Variants in SETD3 observed in about 807,000 individuals in gnomAD.
The protein encoded by SETD3 is SET domain containing 3, actin N3(tau)-histidine methyltransferase.
In SETD3, 19 loss-of-function variants were observed where a neutral mutation model predicts 63.0. That is an observed-to-expected ratio of 0.30 (90% confidence interval 0.21 to 0.44). The LOEUF (loss-of-function observed/expected upper bound fraction) is 0.44. Ranked by LOEUF, SETD3 falls within the 20% of genes least tolerant of loss-of-function variation. The pLI, the probability that SETD3 is intolerant of heterozygous loss-of-function variation, is 1.00. For missense variants in SETD3, 587 were observed against 728.5 expected (o/e 0.81, Z 2.24); for synonymous variants, 286 against 264.1 (o/e 1.08, Z -0.80).
chr14:99,451,261 G>C (rs1396727748), intron 6 of SETD3, among the ~76,000 whole-genome samples: 1 of 152,118 alleles, frequency 6.6e-6, no homozygotes, highest in Admixed American at 6.5e-5. Context: ...ATTTTTCTAG[G>C]GTTAAAGTTG....
At chr14:99,476,526 C>T (rs1895980319) in intron 1 of SETD3, among the ~76,000 whole-genome samples, 2 of 152,172 alleles carry the variant, frequency 1.3e-5, no homozygotes, top group Admixed American at 6.5e-5. Flanking sequence ...CAGGGAAAAA[C>T]GCAGAACCAT....
chr14:99,404,245 C>T lies in SETD3; in HGVS notation c.1157G>A (p.Arg386Gln), dbSNP rs1032276957. 5 of 1,613,940 alleles carry T rather than the reference C, an allele frequency of 3.1e-6. No homozygotes were observed. The highest frequency in any genetic ancestry group is 1.6e-4 in the Middle Eastern group (1 of 6,062). Residue 386 changes from arginine to glutamine, a missense_variant, in exon 11 of 13, where the codon CGA becomes CAA. Coordinates refer to ENST00000331768, the MANE Select transcript of SETD3 (RefSeq NM_032233.3). ...PISAQLLAFL[R>Q]VFCMTEEELK... is the part of the protein sequence containing the mutation. The stretch of plus-strand genomic sequence containing the variant: ...CTTACCTTCAGTCATACAGAATACT[C>T]GGAGAAAAGCCAAAAGCTGAGCAGA...
At chr14:99,480,209 T>A (rs1216534489) in intron 1 of SETD3, among the ~76,000 whole-genome samples, 1 of 151,514 alleles carries the variant, frequency 6.6e-6, no homozygotes, top group South Asian at 2.1e-4. Context: ...GAGAGGAACA[T>A]AAAACCGCAC....
chr14:99,458,430 T>C lies in SETD3; in HGVS notation c.524A>G (p.Tyr175Cys). The change falls in exon 6 of 13, where the codon TAT becomes TGT. Residue 175 changes from tyrosine to cysteine, a missense_variant. Tyr to Cys is a radical substitution (Grantham distance 194). Transcript: ENST00000331768. ...RASPNSFWQP[Y>C]IQTLPSEYDT... ...ATATTCACTGGGGAGGGTTTGAATATAGGGCTGCCAGAAGGAGTTAGGGCT... is the reference window on the plus strand; with the variant it reads ...ATATTCACTGGGGAGGGTTTGAATACAGGGCTGCCAGAAGGAGTTAGGGCT... 1.9e-6 allele frequency: 3 copies of C among 1,614,114 alleles called. No individual in the cohort carries two copies. Among genetic ancestry groups the C allele is most frequent in the Non-Finnish European group, 1.7e-6 (2 of 1,180,032 alleles).
chr14:99,444,218 C>T (rs916949078), intron 6 of SETD3: 1 of 152,214 alleles, frequency 6.6e-6, no homozygotes, highest in African/African-American at 2.4e-5. Flanking sequence ...ATCTGCCATT[C>T]ACAAGGCTAT....
At chr14:99,454,575 G>A (rs947827795) in intron 6 of SETD3, among the ~76,000 whole-genome samples, 2 of 152,174 alleles carry the variant, frequency 1.3e-5, no homozygotes, top group African/African-American at 2.4e-5. Context: ...TGGCCTGAGG[G>A]TCAAACACAA....
intron 6 of SETD3, among the ~76,000 whole-genome samples, chr14:99,448,167 A>AT (rs1011991196): frequency 3.9e-5 from 6 of 152,192 alleles, no homozygotes; most frequent in Admixed American, 2.0e-4. Context: ...TGCAGGTACC[A>AT]TAAGCCTCTG....
At chr14:99,413,097 G>C (rs750013853) in intron 7 of SETD3, 32 bp from the exon 8 acceptor site, 6 of 1,378,886 alleles carry the variant, frequency 4.4e-6, no homozygotes, top group Non-Finnish European at 4.1e-6. Flanking sequence ...CTTAAGGTTG[G>C]AACATTTAAA....
intron 1 of SETD3, among the ~76,000 whole-genome samples, chr14:99,476,838 C>G: frequency 6.6e-6 from 1 of 152,036 alleles, no homozygotes; most frequent in East Asian, 1.9e-4. Flanking sequence ...AGTAATAAAC[C>G]TAAGTGTATA....
intron 6 of SETD3, among the ~76,000 whole-genome samples, chr14:99,437,586 G>T: frequency 6.6e-6 from 1 of 152,150 alleles, no homozygotes. Context: ...TTGATAACAG[G>T]TAACTACCAA....
At chr14:99,484,812 G>T (rs546152173), upstream of SETD3, among the ~76,000 whole-genome samples, 3 of 152,252 alleles carry the variant, frequency 2.0e-5, no homozygotes, top group African/African-American at 7.2e-5. Context: ...ATAATTGAGT[G>T]GTGACATTTA....
chr14:99,447,212 A>T (rs974603499), intron 6 of SETD3, among the ~76,000 whole-genome samples: 1 of 152,280 alleles, frequency 6.6e-6, no homozygotes, highest in African/African-American at 2.4e-5. Context: ...ACCTCAGGTG[A>T]TCTGCCCACC....
intron 6 of SETD3, among the ~76,000 whole-genome samples, chr14:99,424,704 A>G (rs527740261): frequency 4.6e-5 from 7 of 152,182 alleles, no homozygotes; most frequent in African/African-American, 1.7e-4. Flanking sequence ...AGGAGGACAT[A>G]AGAAACCCAG....
intron 6 of SETD3, among the ~76,000 whole-genome samples, chr14:99,444,954 A>T (rs1310342368): frequency 6.6e-6 from 1 of 152,164 alleles, no homozygotes; most frequent in Non-Finnish European, 1.5e-5. Context: ...AAGTTTTTTT[A>T]AAAAGGCCAT....
At chr14:99,426,184 A>C (rs1016331620) in intron 6 of SETD3, among the ~76,000 whole-genome samples, 1 of 152,212 alleles carries the variant, frequency 6.6e-6, no homozygotes, top group Non-Finnish European at 1.5e-5. Flanking sequence ...TCAAATCTAC[A>C]TATGACCTCC....
upstream of SETD3, chr14:99,481,356 C>T (rs551399437): frequency 2.5e-6 from 1 of 398,606 alleles, no homozygotes; most frequent in Non-Finnish European, 4.4e-6. Flanking sequence ...CTCTCTCCGC[C>T]CCTCCGGTCG....
At chr14:99,483,848 T>G (rs1653360797), upstream of SETD3, among the ~76,000 whole-genome samples, 1 of 152,252 alleles carries the variant, frequency 6.6e-6, no homozygotes, top group South Asian at 2.1e-4. Context: ...TTACTCGGAT[T>G]AACACTTTCT....
chr14:99,437,478 G>A (rs773662404), intron 6 of SETD3, among the ~76,000 whole-genome samples: 1 of 152,126 alleles, frequency 6.6e-6, no homozygotes, highest in Non-Finnish European at 1.5e-5. Flanking sequence ...ACTGCATTTG[G>A]TTTTCCACTA....
chr14:99,415,762 A>C (rs1167564627), intron 6 of SETD3, among the ~76,000 whole-genome samples: 2 of 152,378 alleles, frequency 1.3e-5, no homozygotes, highest in Admixed American at 1.3e-4. Flanking sequence ...CTGGTTAAAA[A>C]AAAGATTCTG....
Sources: gnomAD v4.1 joint callset for allele counts (sites outside exome capture counted in the v4.1 genomes callset) on GRCh38, gnomAD v4.1.1 for gene constraint, MANE v1.5 for transcripts, NCBI Gene and HGNC (gene_info 2026-07-23, HGNC 2026-07-21) for gene names.